The following SGMS1 variants were observed in gnomAD, a reference collection of about 807,000 sequenced individuals.
SGMS1 encodes the protein sphingomyelin synthase 1, also known as phosphatidylcholine:ceramide cholinephosphotransferase 1.
A neutral mutation model predicts 46.2 loss-of-function variants in SGMS1; 13 were observed. The ratio of observed to expected loss-of-function variants is 0.28; its 90% confidence interval spans 0.18 to 0.45. The LOEUF is 0.45. Among genes scored for constraint, SGMS1 ranks in the 20% least tolerant of loss-of-function variants. SGMS1 has a pLI of 1.00. For synonymous variants in SGMS1, 203 were observed against 187.8 expected, an observed-to-expected ratio of 1.08 and a Z score of -0.66; for missense variants, 324 against 519.9, an observed-to-expected ratio of 0.62 and a Z score of 3.66.
At chr10:50,406,412 G>A (rs965085829) in intron 6 of SGMS1, among the ~76,000 whole-genome samples, 8 of 152,114 alleles carry the variant, frequency 5.3e-5, no homozygotes, top group Admixed American at 3.3e-4. Context: ...CTTTCCCTGG[G>A]ACCATGAAGG....
chr10:50,505,853 T>C (rs967702015), intron 3 of SGMS1, among the ~76,000 whole-genome samples: 1 of 152,056 alleles, frequency 6.6e-6, no homozygotes, highest in Admixed American at 6.5e-5. Flanking sequence ...GCACACCATA[T>C]CTGCGGGGGG....
At chr10:50,376,783 T>C (rs947291207) in intron 6 of SGMS1, among the ~76,000 whole-genome samples, 2 of 152,190 alleles carry the variant, frequency 1.3e-5, no homozygotes, top group African/African-American at 4.8e-5. Flanking sequence ...TGTGGCTGCA[T>C]AGTATTCCAT....
At chr10:50,494,855 T>C (rs1378243348) in intron 3 of SGMS1, among the ~76,000 whole-genome samples, 1 of 151,248 alleles carries the variant, frequency 6.6e-6, no homozygotes, top group African/African-American at 2.4e-5. Context: ...GCTAAAACGG[T>C]GAAACCCTGT....
chr10:50,309,980 C>G (rs1475522088), intron 9 of SGMS1, among the ~76,000 whole-genome samples: 1 of 152,148 alleles, frequency 6.6e-6, no homozygotes, highest in Non-Finnish European at 1.5e-5. Context: ...TTTGGTCCCC[C>G]ATCCAGTCCA....
chr10:50,602,462 C>G (rs1186728714), intron 1 of SGMS1, among the ~76,000 whole-genome samples: 1 of 152,122 alleles, frequency 6.6e-6, no homozygotes, highest in Non-Finnish European at 1.5e-5. Context: ...ATACTTCTCC[C>G]TGTTCAATAT....
chr10:50,485,161 C>T (rs2133727469), intron 3 of SGMS1, among the ~76,000 whole-genome samples: 1 of 152,268 alleles, frequency 6.6e-6, no homozygotes, highest in East Asian at 1.9e-4. Flanking sequence ...CGTCTCAGCC[C>T]AAAAGCTTCT....
intron 2 of SGMS1, among the ~76,000 whole-genome samples, chr10:50,564,004 G>C (rs1006191432): frequency 6.6e-6 from 1 of 152,218 alleles, no homozygotes; most frequent in African/African-American, 2.4e-5. Flanking sequence ...TGAGAAACCA[G>C]GCCTCAGGCC....
intron 1 of SGMS1, among the ~76,000 whole-genome samples, chr10:50,614,313 C>G (rs888293720): frequency 7.2e-5 from 11 of 152,206 alleles, no homozygotes; most frequent in Admixed American, 1.3e-4. Context: ...AGTTTCTGCT[C>G]TGGACTGGCT....
upstream of SGMS1, chr10:50,624,980 G>A: frequency 2.9e-6 from 3 of 1,038,052 alleles, no homozygotes; most frequent in Non-Finnish European, 3.5e-6. Context: ...GGCCGCGGGC[G>A]CTCGGAACCG....
intron 6 of SGMS1, among the ~76,000 whole-genome samples, chr10:50,355,699 T>C (rs910978525): frequency 6.6e-6 from 1 of 152,156 alleles, no homozygotes; most frequent in Non-Finnish European, 1.5e-5. Flanking sequence ...TGCCACCCCG[T>C]CTAGGAAGTG....
chr10:50,365,492 T>C (rs1848324611), intron 6 of SGMS1, among the ~76,000 whole-genome samples: 2 of 152,112 alleles, frequency 1.3e-5, no homozygotes, highest in African/African-American at 4.8e-5. Context: ...AGTATACATG[T>C]GCCATGGTGG....
upstream of SGMS1, chr10:50,624,680 C>T (rs1393110773): frequency 1.0e-6 from 1 of 985,342 alleles, no homozygotes; most frequent in African/African-American, 1.7e-5. Flanking sequence ...CGCGCATGCC[C>T]AGTAGCCCCA....
intron 5 of SGMS1, among the ~76,000 whole-genome samples, chr10:50,445,872 C>G (rs964600386): frequency 6.6e-6 from 1 of 152,146 alleles, no homozygotes; most frequent in Non-Finnish European, 1.5e-5. Context: ...AGAAATATCA[C>G]TGAATTCTCT....
chr10:50,500,778 C>T (rs544616615), intron 3 of SGMS1, among the ~76,000 whole-genome samples: 13 of 152,204 alleles, frequency 8.5e-5, no homozygotes, highest in Non-Finnish European at 1.8e-4. Flanking sequence ...TTCTTCCATC[C>T]ACCCAGAGAC....
chr10:50,408,365 G>C (rs1849047003), intron 6 of SGMS1, among the ~76,000 whole-genome samples: 1 of 148,938 alleles, frequency 6.7e-6, no homozygotes, highest in African/African-American at 2.5e-5. Context: ...TACTCTGGGA[G>C]GCAAAGGTAG....
chr10:50,350,886 C>T (rs1328440838), intron 6 of SGMS1, among the ~76,000 whole-genome samples: 2 of 152,162 alleles, frequency 1.3e-5, no homozygotes, highest in Admixed American at 6.5e-5. Flanking sequence ...AGAGCCCCCA[C>T]ATAGAGTTCC....
intron 3 of SGMS1, among the ~76,000 whole-genome samples, 166 bp from the exon 4 acceptor site, chr10:50,467,098 T>C (rs1837337075): frequency 6.6e-6 from 1 of 152,030 alleles, no homozygotes; most frequent in African/African-American, 2.4e-5. Flanking sequence ...GCTGTCATGG[T>C]ATTCAGAGTA....
chr10:50,406,630 A>G (rs1849019179), intron 6 of SGMS1, among the ~76,000 whole-genome samples: 1 of 151,536 alleles, frequency 6.6e-6, no homozygotes, highest in South Asian at 2.1e-4. Flanking sequence ...TATATCTGCT[A>G]TTTCTATAGA....
chr10:50,429,926 C>T (rs1849384507), intron 6 of SGMS1, among the ~76,000 whole-genome samples: 1 of 152,008 alleles, frequency 6.6e-6, no homozygotes, highest in Admixed American at 6.6e-5. Context: ...ACATAGATTC[C>T]AAAATGACAC....
Sources: allele counts gnomAD v4.1 joint callset (sites outside exome capture counted in the v4.1 genomes callset), GRCh38; gene constraint gnomAD v4.1.1; transcripts MANE v1.5; gene names NCBI Gene and HGNC (gene_info 2026-07-23, HGNC 2026-07-21).